The following COL5A3 variants were observed in gnomAD, a reference collection of about 807,000 sequenced individuals.
The protein encoded by COL5A3 is collagen alpha-3(V) chain.
In COL5A3, 172 loss-of-function variants were observed where a neutral mutation model predicts 250.0. The ratio of observed to expected loss-of-function variants is 0.69; its 90% CI spans 0.61 to 0.78. The LOEUF is 0.78. COL5A3 is among the 30% of genes least tolerant of loss of function. COL5A3 has a pLI of 0.00. For synonymous variants in COL5A3, 937 were observed against 900.4 expected (o/e 1.04, Z -0.73); for missense variants, 2,340 against 2,334.4 (o/e 1.00, Z -0.05).
intron 53 of COL5A3, 124 bp from the exon 54 acceptor site, chr19:9,970,799 C>T (rs2086834347): frequency 3.1e-6 from 3 of 980,662 alleles, no homozygotes; most frequent in South Asian, 2.1e-5. Flanking sequence ...GTACTCCCAC[C>T]TCCCACCTAC....
chr19:9,974,051 T>C (rs918475294), intron 47 of COL5A3, 79 bp from the exon 48 acceptor site: 67 of 1,516,382 alleles, frequency 4.4e-5, no homozygotes, highest in Non-Finnish European at 5.8e-5. Flanking sequence ...GATACCACTG[T>C]CAATGCTGGT....
At position 10,005,973 on chromosome 19, in the gene COL5A3, G is replaced by A; in HGVS notation, c.260C>T (p.Pro87Leu). 1.2e-6 allele frequency: 2 copies of A among 1,613,534 alleles called. No individual in the cohort carries two copies. The highest frequency in any genetic ancestry group is 1.7e-6 in the Non-Finnish European group (2 of 1,179,512). ...GGTGATCAGCAAGGAGAAGTTCTCA[G>A]GAAAGTGGCCTTCTGGGTGGGCAGA... Reference protein sequence around the residue: ...TWELFPEGHFPENFSLLITLR... With the variant: ...TWELFPEGHFLENFSLLITLR... Residue 87 changes from proline (P) to leucine (L), a missense_variant, in exon 3 of 67, where the codon CCT becomes CTT. Pro to Leu is a moderately conservative substitution (Grantham distance 98, BLOSUM62 -3). Coordinates refer to ENST00000264828, the MANE Select transcript of COL5A3 (RefSeq NM_015719.4).
At chr19:9,974,836 C>T (rs1047161443) in intron 45 of COL5A3, among the ~76,000 whole-genome samples, 1 of 152,004 alleles carries the variant, frequency 6.6e-6, no homozygotes, top group Non-Finnish European at 1.5e-5. Flanking sequence ...TGGGTCAGGG[C>T]TTGGTTAAGA....
chr19:9,995,629 C>G lies in COL5A3; in HGVS notation c.1534-12G>C. On this transcript the variant is annotated splice_polypyrimidine_tract_variant and intron_variant, in intron 15 of 66. Coordinates refer to ENST00000264828, the MANE Select transcript of COL5A3 (RefSeq NM_015719.4). ...AGGCCTCGGGGACCCTAGAAGAAAG[C>G]AAAAAGGAGGAAGGAAAGGAAAATA... 1.3e-6 allele frequency: 2 copies of G among 1,563,234 alleles called. No homozygotes were observed. Among genetic ancestry groups the G allele is most frequent in the African/African-American group, 1.4e-5 (1 of 72,322 alleles).
intron 61 of COL5A3, 77 bp from the exon 62 acceptor site, chr19:9,967,477 ACACACT>A (rs368584049): frequency 0.015 from 13,684 of 894,088 alleles, 189 homozygotes; most frequent in East Asian, 0.1. Flanking sequence ...AAACACACAC[ACACACT>A]CACACACACA....
At chr19:10,001,203 T>C (rs2087355251) in intron 8 of COL5A3, among the ~76,000 whole-genome samples, 1 of 152,104 alleles carries the variant, frequency 6.6e-6, no homozygotes, top group Non-Finnish European at 1.5e-5. Flanking sequence ...TGGAGTGCAG[T>C]GGCACGATCT....
In COL5A3 at chr19:9,974,213, G is replaced by C; in HGVS notation, c.3462C>G (p.Gly1154=). ...CGACCTCCCCTTTCTCTCCCGGAGG[G>C]CCTGGCAGCCCCTGTGGAACAAAGA... ...IGPPGLQGLP[G]PPGEKGEVGD... is the part of the protein sequence containing the mutation. The change falls in exon 47 of 67, where the codon GGC becomes GGG. Residue 1154 remains glycine, a synonymous_variant. Transcript: ENST00000264828. 2 of 1,613,774 alleles carry C rather than the reference G, an allele frequency of 1.2e-6. No individual in the cohort carries two copies. Among genetic ancestry groups the C allele is most frequent in the Non-Finnish European group, 1.7e-6 (2 of 1,179,926 alleles).
At position 9,971,026 on chromosome 19, in the gene COL5A3, G is replaced by A; in HGVS notation, c.3831C>T (p.Gly1277=). ...LGPPGDPGVS[G]IDGSPGEKGD... ...CCTTCTCCCCTGGGGAACCATCTATGCCCTGCATGGGGGGAAGACAGAGTT... is the reference window on the plus strand; with the variant it reads ...CCTTCTCCCCTGGGGAACCATCTATACCCTGCATGGGGGGAAGACAGAGTT... Residue 1277 remains glycine, a splice_region_variant and synonymous_variant, in exon 53 of 67, where the codon GGC becomes GGT. Transcript: ENST00000264828. 6.5e-7 allele frequency: 1 copy of A among 1,532,474 alleles called. No individual in the cohort carries two copies. The highest frequency in any genetic ancestry group is 8.7e-7 in the Non-Finnish European group (1 of 1,146,432). The allele number at this position is 1,532,474 out of a possible 1,614,324, so 94.9% of individuals were successfully genotyped here.
chr19:9,976,197 G>T (rs1203786892), intron 45 of COL5A3, among the ~76,000 whole-genome samples: 1 of 152,122 alleles, frequency 6.6e-6, no homozygotes, highest in African/African-American at 2.4e-5. Context: ...GCCAAATTCT[G>T]GGGTTGAGTT....
At position 10,001,644 on chromosome 19, in the gene COL5A3, G is replaced by C. The variant is rs781168332; in HGVS notation, c.990C>G (p.Thr330=). 59 of 1,613,802 alleles carry C rather than the reference G, an allele frequency of 3.7e-5. No individual in the cohort carries two copies. The highest frequency in any genetic ancestry group is 5.0e-5 in the Non-Finnish European group (59 of 1,179,996). ...CCTTGGTCTCCAGGGTCCCCAGCTC[G>C]GTTCCACTGTCAGGGTCCAAGCTCC... is the stretch of plus-strand genomic sequence containing the variant. The part of the protein sequence containing the change: ...LERSLDPDSG[T]ELGTLETKAA... Residue 330 remains threonine (T), a synonymous_variant, in exon 8 of 67, where the codon ACC becomes ACG. Transcript: ENST00000264828.
At position 9,971,189 on chromosome 19, in the gene COL5A3, A is replaced by AG. The variant is rs2145070424; in HGVS notation, c.3828+15dup. On this transcript the variant is annotated intron_variant, in intron 52 of 66. Transcript: ENST00000264828. ...ATTAGGAAATATGCCAGGATTGGGG[A>AG]GGGGGTCACACTCACTGAAACTCCA... The AG allele has an allele frequency of 6.5e-7, 1 of 1,548,722 alleles. No individual in the cohort carries two copies. The highest frequency in any genetic ancestry group is 8.7e-7 in the Non-Finnish European group (1 of 1,153,828).
intron 31 of COL5A3, among the ~76,000 whole-genome samples, chr19:9,984,858 A>G (rs2145104564): frequency 6.6e-6 from 1 of 151,724 alleles, no homozygotes; most frequent in East Asian, 1.9e-4. Flanking sequence ...TGGCTCGATC[A>G]TAGCTCACTG....
intron 9 of COL5A3, 31 bp from the exon 10 acceptor site, chr19:9,998,056 T>G: frequency 8.1e-6 from 13 of 1,613,972 alleles, no homozygotes; most frequent in Non-Finnish European, 1.1e-5. Context: ...CGGTGACCGC[T>G]GTCATCATGA....
intron 8 of COL5A3, among the ~76,000 whole-genome samples, chr19:10,000,615 G>C (rs1487961649): frequency 6.6e-6 from 1 of 151,824 alleles, no homozygotes; most frequent in Non-Finnish European, 1.5e-5. Flanking sequence ...AGCTTTTAAA[G>C]CTCCAAGTCA....
At position 10,002,981 on chromosome 19, in the gene COL5A3, G is replaced by T. The variant is rs1048114343; in HGVS notation, c.849+584C>A. Among the ~76,000 whole-genome samples, 4 of 152,018 alleles carry T rather than the reference G, an allele frequency of 2.6e-5. No individual in the cohort carries two copies. In the South Asian group the frequency reaches 8.3e-4, roughly 32 times the overall value. On this transcript the variant is annotated intron_variant, in intron 6 of 66. Coordinates refer to ENST00000264828, the MANE Select transcript of COL5A3 (RefSeq NM_015719.4). ...AGGGACATCAGTAACACCAATAATG[G>T]TTTCTATCCATGACCTTCCACTGTG... is the stretch of plus-strand genomic sequence containing the variant.
At chr19:9,961,009 T>C in intron 65 of COL5A3, 119 bp from the exon 66 acceptor site, 3 of 1,274,838 alleles carry the variant, frequency 2.4e-6, no homozygotes, top group Non-Finnish European at 3.3e-6. Flanking sequence ...TCACCATCTC[T>C]GAGGAGGTCC....
At chr19:9,970,493 T>C (rs1197657863) in intron 54 of COL5A3, 129 bp downstream of exon 54, 5 of 325,936 alleles carry the variant, frequency 1.5e-5, no homozygotes, top group Non-Finnish European at 2.5e-5. Flanking sequence ...GTGGGGGCTG[T>C]GGAGTGAGTG....
chr19:9,972,748 A>C (rs1483533019), intron 51 of COL5A3, among the ~76,000 whole-genome samples, 171 bp downstream of exon 51: 1 of 152,140 alleles, frequency 6.6e-6, no homozygotes, highest in Non-Finnish European at 1.5e-5. Flanking sequence ...AGGCAGAAGA[A>C]TCGCTTGAAC....
chr19:9,994,332 C>T (rs1332831635), intron 16 of COL5A3, among the ~76,000 whole-genome samples: 1 of 151,448 alleles, frequency 6.6e-6, no homozygotes, highest in African/African-American at 2.4e-5. Context: ...GTGCACACCA[C>T]CACACCTGGC....
Sources: allele counts gnomAD v4.1 joint callset (sites outside exome capture counted in the v4.1 genomes callset), GRCh38; gene constraint gnomAD v4.1.1; transcripts MANE v1.5; gene names NCBI Gene and HGNC (gene_info 2026-07-23, HGNC 2026-07-21).